USH2A: variants seen among roughly 807,000 people sequenced by gnomAD.
The protein encoded by USH2A is usherin, also known as Usher syndrome 2A (autosomal recessive, mild).
A neutral mutation model predicts 538.9 loss-of-function variants in USH2A; 443 were observed. The ratio of observed to expected loss-of-function variants is 0.82; its 90% CI spans 0.76 to 0.89. The LOEUF is 0.89. Ranked by LOEUF, USH2A falls within the 40% of genes least tolerant of loss-of-function variation. The pLI, the probability that USH2A is intolerant of heterozygous loss-of-function variation, is 0.00. For missense variants in USH2A, 6,633 were observed against 6,324.8 expected, an observed-to-expected ratio of 1.05 and a Z score of -1.65; for synonymous variants, 2,413 against 2,273.5, an observed-to-expected ratio of 1.06 and a Z score of -1.75.
chr1:215,846,125 A>G, intron 44 of USH2A, 92 bp from the exon 45 acceptor site: 1 of 1,306,430 alleles, frequency 7.7e-7, no homozygotes, highest in Non-Finnish European at 1.1e-6. Flanking sequence ...AATGAGAAAA[A>G]AAGAAGTTTA....
intron 21 of USH2A, among the ~76,000 whole-genome samples, chr1:216,147,291 T>C (rs868454733): frequency 5.9e-5 from 9 of 151,986 alleles, no homozygotes; most frequent in African/African-American, 1.5e-4. Context: ...CCCTATAATC[T>C]TTTTATCACC....
rs145384303 is a variant in USH2A at position 215,706,089 on chromosome 1, C to A, written c.12066+21941G>T. Reference sequence around the variant, plus strand: ...ATAAGGAAATGGATGAAAAGAGAGTCGAAGCACATTGTCCATGGTCATATA... The same window carrying A: ...ATAAGGAAATGGATGAAAAGAGAGTAGAAGCACATTGTCCATGGTCATATA... On this transcript the variant is annotated intron_variant, in intron 61 of 71. Transcript: ENST00000307340. Among the ~76,000 whole-genome samples, 532 of 152,256 alleles carry A rather than the reference C, an allele frequency of 3.5e-3. 3 individuals carry two copies. Among genetic ancestry groups the A allele is most frequent in the African/African-American group, 0.012 (506 of 41,554 alleles).
intron 3 of USH2A, among the ~76,000 whole-genome samples, chr1:216,382,644 C>G (rs1162724128): frequency 6.6e-6 from 1 of 152,154 alleles, no homozygotes; most frequent in East Asian, 1.9e-4. Context: ...GAAAATAGTA[C>G]TAGGAGTCAT....
intron 44 of USH2A, among the ~76,000 whole-genome samples, chr1:215,854,128 T>A (rs1351253952): frequency 6.6e-6 from 1 of 152,184 alleles, no homozygotes; most frequent in Non-Finnish European, 1.5e-5. Flanking sequence ...GGGCTCATAG[T>A]TCCACATGGC....
intron 17 of USH2A, among the ~76,000 whole-genome samples, chr1:216,199,352 C>A (rs1396964061): frequency 1.3e-5 from 2 of 152,090 alleles, no homozygotes; most frequent in African/African-American, 2.4e-5. Flanking sequence ...TTATAAACAT[C>A]ATTTGTGTTA....
intron 32 of USH2A, among the ~76,000 whole-genome samples, chr1:216,042,622 C>T (rs1194657774): frequency 2.0e-5 from 3 of 151,960 alleles, no homozygotes; most frequent in Non-Finnish European, 4.4e-5. Flanking sequence ...ATGGTGTAGA[C>T]TTAAACTGCC....
At chr1:215,746,613 T>C (rs1359915544) in intron 58 of USH2A, among the ~76,000 whole-genome samples, 5 of 152,256 alleles carry the variant, frequency 3.3e-5, no homozygotes, top group Admixed American at 3.3e-4. Context: ...TCTATTAATC[T>C]TTCTTAAATG....
chr1:216,001,253 T>C (rs868117429), intron 32 of USH2A, among the ~76,000 whole-genome samples: 1 of 152,176 alleles, frequency 6.6e-6, no homozygotes, highest in East Asian at 1.9e-4. Context: ...TTTGCATCCT[T>C]AGTATGTAGC....
At position 215,743,414 on chromosome 1, in the gene USH2A, GTGTA is replaced by G. The variant is rs1254610819; in HGVS notation, c.11390-83_11390-80del. 4.4e-4 allele frequency: 173 copies of G among 392,484 alleles called. 1 individual carries two copies. The highest frequency in any genetic ancestry group is 5.1e-4 in the Non-Finnish European group (127 of 247,794). The allele number at this position is 392,484 out of a possible 1,614,324, so 24.3% of individuals were successfully genotyped here. On this transcript the variant is annotated intron_variant, in intron 58 of 71. Transcript: ENST00000307340. ...TGTGTGTGTGTGTGTGTGTGTGTGT[GTGTA>G]TATATATATAGACACACATATATAT...
chr1:215,685,353 TG>T (rs200206013), intron 61 of USH2A, among the ~76,000 whole-genome samples: 31,840 of 104,572 alleles, frequency 0.3, 3,928 homozygotes, highest in South Asian at 0.58. Context: ...TTGTTGTTGT[TG>T]TTTTTTTTTT....
At chr1:215,849,900 G>A (rs11120667) in intron 44 of USH2A, among the ~76,000 whole-genome samples, 86,328 of 151,864 alleles carry the variant, frequency 0.57, 24,811 homozygotes, top group Admixed American at 0.68. Flanking sequence ...TTTCTTATTT[G>A]GGCAAATTTA....
chr1:215,735,141 C>T (rs971875303), intron 60 of USH2A, among the ~76,000 whole-genome samples: 2 of 152,138 alleles, frequency 1.3e-5, no homozygotes, highest in Admixed American at 6.5e-5. Flanking sequence ...TTCATGTTTC[C>T]TCCTCCATAC....
At chr1:216,391,659 T>A (rs1229802251) in intron 3 of USH2A, among the ~76,000 whole-genome samples, 1 of 152,212 alleles carries the variant, frequency 6.6e-6, no homozygotes, top group African/African-American at 2.4e-5. Context: ...GGGTCAATTT[T>A]AAACAATGCC....
intron 61 of USH2A, among the ~76,000 whole-genome samples, chr1:215,694,357 A>G (rs12088264): frequency 0.011 from 1,732 of 152,278 alleles, 33 homozygotes; most frequent in African/African-American, 0.039. Context: ...GTAGATCAGG[A>G]GGTCAGGAGA....
intron 9 of USH2A, among the ~76,000 whole-genome samples, chr1:216,307,986 G>A (rs976198678): frequency 2.0e-5 from 3 of 152,104 alleles, no homozygotes; most frequent in Non-Finnish European, 2.9e-5. Context: ...GTGGATTCTC[G>A]TGGCTTTCCT....
chr1:215,673,961 C>T, intron 63 of USH2A, 139 bp downstream of exon 63: 6 of 1,449,144 alleles, frequency 4.1e-6, no homozygotes, highest in Non-Finnish European at 4.8e-6. Context: ...GCTTTGTCTA[C>T]TATGCACGTT....
intron 38 of USH2A, among the ~76,000 whole-genome samples, chr1:215,922,273 T>C (rs1666119287): frequency 6.6e-6 from 1 of 152,148 alleles, no homozygotes; most frequent in Non-Finnish European, 1.5e-5. Context: ...GGCTGATTAG[T>C]GTTCCCCAGT....
chr1:215,639,045 G>T, intron 69 of USH2A, 110 bp downstream of exon 69: 4 of 1,057,258 alleles, frequency 3.8e-6, no homozygotes, highest in African/African-American at 1.6e-5. Context: ...AATTTCTTCT[G>T]TATAGTCTAT....
chr1:216,008,772 C>T (rs1464272966), intron 32 of USH2A, among the ~76,000 whole-genome samples: 2 of 152,108 alleles, frequency 1.3e-5, no homozygotes, highest in African/African-American at 4.8e-5. Context: ...CCTTTCCACT[C>T]TTCAATCTCT....
Sources: gnomAD v4.1 joint callset for allele counts (sites outside exome capture counted in the v4.1 genomes callset) on GRCh38, gnomAD v4.1.1 for gene constraint, MANE v1.5 for transcripts, NCBI Gene and HGNC (gene_info 2026-07-23, HGNC 2026-07-21) for gene names.